Variants in EDIL3 observed in about 807,000 individuals in gnomAD.
The protein encoded by EDIL3 is EGF like and discoidin domains 3.
Under a neutral mutation model 67.4 loss-of-function variants are expected in EDIL3, and 37 were observed. The ratio of observed to expected loss-of-function variants is 0.55; its 90% CI spans 0.42 to 0.72. The LOEUF (loss-of-function observed/expected upper bound fraction) is 0.72, where lower values mean the gene tolerates loss of function less well. Ranked by LOEUF, EDIL3 falls within the 30% of genes least tolerant of loss-of-function variation. The pLI, the probability that EDIL3 is intolerant of heterozygous loss-of-function variation, is 0.00. For synonymous variants in EDIL3, 195 were observed against 196.3 expected (o/e 0.99, Z 0.05); for missense variants, 527 against 586.3 (o/e 0.90, Z 1.04).
At chr5:83,993,560 C>T (rs1745186768) in intron 9 of EDIL3, among the ~76,000 whole-genome samples, 1 of 152,152 alleles carries the variant, frequency 6.6e-6, no homozygotes, top group African/African-American at 2.4e-5. Context: ...GCATCCTTAC[C>T]TTTGCTCTAT....
intron 1 of EDIL3, among the ~76,000 whole-genome samples, chr5:84,299,517 T>C: frequency 6.6e-6 from 1 of 151,960 alleles, no homozygotes; most frequent in Admixed American, 6.5e-5. Context: ...TTAAATTACC[T>C]TTTTTCCCCC....
chr5:83,995,586 C>T lies in EDIL3; in HGVS notation c.1138-32226G>A, dbSNP rs186804535. Among the ~76,000 whole-genome samples the T allele has an allele frequency of 7.3e-4, 111 of 152,206 alleles. 2 individuals carry two copies. Among genetic ancestry groups the T allele is most frequent in the African/African-American group, 2.5e-3 (105 of 41,536 alleles). Reference sequence around the variant, plus strand: ...TAAAATTTTTAATAAAATTCAAACTCGGTCAGACATATCACATAATTACTT... The same window carrying T: ...TAAAATTTTTAATAAAATTCAAACTTGGTCAGACATATCACATAATTACTT... On this transcript the variant is annotated intron_variant, in intron 9 of 10. Coordinates refer to ENST00000296591, the MANE Select transcript of EDIL3 (RefSeq NM_005711.5).
chr5:84,217,124 T>A (rs1308378850), intron 3 of EDIL3, among the ~76,000 whole-genome samples: 6 of 120,564 alleles, frequency 5.0e-5, no homozygotes, highest in South Asian at 2.7e-4. Context: ...AACATTGGAG[T>A]AAATCCAAGG....
intron 10 of EDIL3, among the ~76,000 whole-genome samples, chr5:83,955,008 A>T (rs1381484515): frequency 6.6e-6 from 1 of 151,808 alleles, no homozygotes; most frequent in Non-Finnish European, 1.5e-5. Flanking sequence ...TATTTTTAAC[A>T]TGTTAGCATT....
chr5:84,171,602 T>C (rs1748812850), intron 4 of EDIL3, among the ~76,000 whole-genome samples: 1 of 152,214 alleles, frequency 6.6e-6, no homozygotes, highest in East Asian at 1.9e-4. Context: ...ATTTCCATTA[T>C]CGTAAACAAA....
intron 2 of EDIL3, among the ~76,000 whole-genome samples, chr5:84,234,810 T>A (rs1264566128): frequency 6.6e-6 from 1 of 152,178 alleles, no homozygotes; most frequent in Non-Finnish European, 1.5e-5. Context: ...TTCAAGCATA[T>A]AATTATCTAG....
intron 9 of EDIL3, chr5:84,047,572 T>C (rs1020532979): frequency 2.0e-5 from 3 of 152,076 alleles, no homozygotes; most frequent in Non-Finnish European, 4.4e-5. Flanking sequence ...GTGAAGAAAT[T>C]AGCTGGTGTC....
Position 84,384,552 on chromosome 5 carries a change from A to C in EDIL3, c.-178T>G. 1 of 540,790 alleles carries C rather than the reference A, an allele frequency of 1.8e-6. No homozygotes were observed. The highest frequency in any genetic ancestry group is 3.1e-6 in the Non-Finnish European group (1 of 318,528). The allele number at this position is 540,790 out of a possible 1,614,324, so 33.5% of individuals were successfully genotyped here. On this transcript the variant is annotated 5_prime_UTR_variant, in exon 1 of 11. Coordinates refer to ENST00000296591, the MANE Select transcript of EDIL3 (RefSeq NM_005711.5). ...TTGGAGAGGGCGAGAGTGGTGACTAAAGAGAGGAGCCTTTCCTCCCCTTTT... is the reference window on the plus strand; with the variant it reads ...TTGGAGAGGGCGAGAGTGGTGACTACAGAGAGGAGCCTTTCCTCCCCTTTT...
chr5:83,970,078 G>A (rs192566040), intron 9 of EDIL3, among the ~76,000 whole-genome samples: 1 of 151,378 alleles, frequency 6.6e-6, no homozygotes, highest in Admixed American at 6.6e-5. Flanking sequence ...AGTATCCTCT[G>A]TTCTACTTTT....
At chr5:84,070,055 G>A (rs562416971) in intron 6 of EDIL3, among the ~76,000 whole-genome samples, 2 of 152,102 alleles carry the variant, frequency 1.3e-5, no homozygotes, top group Non-Finnish European at 2.9e-5. Context: ...ACAGTTGGAG[G>A]AGAGTCCTGC....
chr5:84,208,550 G>A (rs1744037930), intron 3 of EDIL3, among the ~76,000 whole-genome samples: 1 of 151,046 alleles, frequency 6.6e-6, no homozygotes, highest in South Asian at 2.1e-4. Flanking sequence ...GCGGTGGTGG[G>A]CGCCTGTAGT....
intron 1 of EDIL3, among the ~76,000 whole-genome samples, chr5:84,377,602 A>C (rs538348185): frequency 6.6e-6 from 1 of 152,316 alleles, no homozygotes; most frequent in African/African-American, 2.4e-5. Flanking sequence ...AAAATATACC[A>C]CTTTGTTAAA....
intron 7 of EDIL3, 66 bp downstream of exon 7, chr5:84,066,361 TAAGTCTTCTCCTGAAGACCTTGTC>T: frequency 7.3e-7 from 1 of 1,360,818 alleles, no homozygotes; most frequent in Admixed American, 3.2e-5. Context: ...TTCATCAACA[TAAGTCTTCTCCTGAAGACCTTGTC>T]ATTTGATAAT....
intron 3 of EDIL3, among the ~76,000 whole-genome samples, chr5:84,202,784 G>C (rs1340255223): frequency 3.3e-5 from 5 of 152,112 alleles, no homozygotes; most frequent in Non-Finnish European, 7.4e-5. Flanking sequence ...ACAGAGAAGA[G>C]AAAGCAGTCT....
intron 9 of EDIL3, among the ~76,000 whole-genome samples, chr5:83,976,812 T>A (rs780712420): frequency 6.6e-6 from 1 of 151,754 alleles, no homozygotes; most frequent in East Asian, 1.9e-4. Flanking sequence ...ATAATAATAT[T>A]TAGTCTTGTC....
intron 6 of EDIL3, among the ~76,000 whole-genome samples, chr5:84,100,772 A>C (rs891182632): frequency 1.3e-5 from 2 of 152,126 alleles, no homozygotes; most frequent in African/African-American, 4.8e-5. Context: ...TATTTCTTTG[A>C]GAAATTGTGT....
intron 5 of EDIL3, among the ~76,000 whole-genome samples, chr5:84,119,524 GC>G (rs1747734665): frequency 6.6e-6 from 1 of 151,922 alleles, no homozygotes; most frequent in Non-Finnish European, 1.5e-5. Context: ...ACAGTTTATT[GC>G]CAGACTCACT....
intron 1 of EDIL3, among the ~76,000 whole-genome samples, chr5:84,291,731 G>GATCTATCTATATAGATATATCTATAT (rs1554040539): frequency 6.2e-4 from 86 of 138,102 alleles, no homozygotes; most frequent in Non-Finnish European, 1.0e-3. Flanking sequence ...TATCTATATA[G>GATCTATCTATATAGATATATCTATAT]ATCTATCTAT....
At chr5:84,227,622 G>A (rs191565990) in intron 3 of EDIL3, among the ~76,000 whole-genome samples, 16 of 152,206 alleles carry the variant, frequency 1.1e-4, no homozygotes, top group African/African-American at 3.1e-4. Context: ...CAAGACACAT[G>A]CACTCATAAG....
Sources: allele counts gnomAD v4.1 joint callset (sites outside exome capture counted in the v4.1 genomes callset), GRCh38; gene constraint gnomAD v4.1.1; transcripts MANE v1.5; gene names NCBI Gene and HGNC (gene_info 2026-07-23, HGNC 2026-07-21).